The following NCBP3 variants were observed in gnomAD, a reference collection of about 807,000 sequenced individuals.
NCBP3 encodes the protein nuclear cap binding subunit 3.
Under a neutral mutation model 75.7 loss-of-function variants are expected in NCBP3, and 20 were observed. The ratio of observed to expected loss-of-function variants is 0.26; its 90% confidence interval spans 0.19 to 0.38. The LOEUF is 0.38. Among genes scored for constraint, NCBP3 ranks in the 10% least tolerant of loss-of-function variants. The pLI is 1.00. For synonymous variants in NCBP3, 293 were observed against 290.5 expected (o/e 1.01, Z -0.09); for missense variants, 678 against 796.9 (o/e 0.85, Z 1.80).
chr17:3,821,447 G>C (rs2053663647), intron 8 of NCBP3, 95 bp from the exon 9 acceptor site: 2 of 966,138 alleles, frequency 2.1e-6, no homozygotes, highest in African/African-American at 3.3e-5. Context: ...TTTTGTGATG[G>C]AGTCTCAATC....
At chr17:3,814,609 C>T in intron 11 of NCBP3, 126 bp from the exon 12 acceptor site, 2 of 904,058 alleles carry the variant, frequency 2.2e-6, no homozygotes, top group East Asian at 2.6e-5. Context: ...GACAATCAGG[C>T]TGCTAAGTAT....
rs977943629 is a variant in NCBP3, at chr17:3,806,484, A to G, written c.*6560T>C. 1 of 152,216 alleles carries G rather than the reference A, an allele frequency of 6.6e-6. No homozygotes were observed. Among genetic ancestry groups the G allele is most frequent in the African/African-American group, 2.4e-5 (1 of 41,452 alleles). 9.4% of individuals were successfully genotyped at this position (152,216 alleles called of 1,614,324 possible). A position where few individuals can be genotyped will look rare whatever the true frequency, so the allele number is the denominator to read the frequency against. On this transcript the variant is annotated 3_prime_UTR_variant, in exon 13 of 13. Coordinates refer to ENST00000389005, the MANE Select transcript of NCBP3 (RefSeq NM_001114118.3). The stretch of plus-strand genomic sequence containing the variant: ...AGATAACACAAAGTCTCAACTATTT[A>G]CGAACCTGGTCATCCAGAGAGGGCC...
chr17:3,815,567 G>A (rs370585198), intron 11 of NCBP3, among the ~76,000 whole-genome samples: 3 of 152,350 alleles, frequency 2.0e-5, no homozygotes, highest in Middle Eastern at 3.4e-3. Flanking sequence ...GTGTCATACA[G>A]AGGAAAATAT....
intron 6 of NCBP3, 69 bp from the exon 7 acceptor site, chr17:3,825,119 A>C (rs1356974223): frequency 1.6e-5 from 13 of 820,528 alleles, no homozygotes; most frequent in Non-Finnish European, 2.4e-5. Context: ...TAGTAAAGCT[A>C]CCATTAAGAA....
At chr17:3,840,026 A>T (rs545958570) in intron 3 of NCBP3, 74 bp downstream of exon 3, 1 of 1,180,754 alleles carries the variant, frequency 8.5e-7, no homozygotes, top group South Asian at 1.3e-5. Flanking sequence ...GCAAGGCCAG[A>T]AGCATGAGGT....
chr17:3,816,336 C>T (rs1460248099), intron 10 of NCBP3, 66 bp from the exon 11 acceptor site: 1 of 1,386,836 alleles, frequency 7.2e-7, no homozygotes, highest in African/African-American at 1.5e-5. Context: ...ACCCAAACAA[C>T]AATCTCATAC....
chr17:3,822,100 G>C (rs745421899), intron 7 of NCBP3, 48 bp from the exon 8 acceptor site: 1 of 1,267,048 alleles, frequency 7.9e-7, no homozygotes, highest in Non-Finnish European at 1.1e-6. Flanking sequence ...TGAGTGTAAA[G>C]ACAATGTTGA....
chr17:3,839,957 A>G (rs981913109), intron 3 of NCBP3, 143 bp downstream of exon 3: 1 of 602,046 alleles, frequency 1.7e-6, no homozygotes, highest in Non-Finnish European at 2.9e-6. Flanking sequence ...GACCTCAGAA[A>G]TGGAGACTTC....
At chr17:3,816,981 C>A (rs1022772659) in intron 10 of NCBP3, among the ~76,000 whole-genome samples, 1 of 151,762 alleles carries the variant, frequency 6.6e-6, no homozygotes. Context: ...GAGCCGAGAT[C>A]GTGTTATCGC....
chr17:3,835,260 G>A (rs886675501), intron 3 of NCBP3, among the ~76,000 whole-genome samples: 4 of 152,212 alleles, frequency 2.6e-5, no homozygotes, highest in East Asian at 1.9e-4. Flanking sequence ...CTGTTCTGAT[G>A]GGCACAATTC....
rs1371163435 is a variant in NCBP3 at position 3,804,341 on chromosome 17, G to GT, written c.*8702dup. ...GTAGGCGGATCGCCTGAGTTCAGGA[G>GT]TTTGAGACCAGCCTGGGCAACATGG... On this transcript the variant is annotated 3_prime_UTR_variant, in exon 13 of 13. Transcript: ENST00000389005. 3 of 152,012 alleles carry GT rather than the reference G, an allele frequency of 2.0e-5. No homozygotes were observed. The highest frequency in any genetic ancestry group is 2.0e-4 in the Admixed American group (3 of 15,268). 9.4% of individuals were successfully genotyped at this position (152,012 alleles called of 1,614,324 possible).
In NCBP3 at chr17:3,821,365, C is replaced by A; in HGVS notation, c.897-13G>T. ...ATATCTTCGCTTCCTGCAAGAATGC[C>A]AAAATAAGCACACAATCAAAAACTG... On this transcript the variant is annotated splice_polypyrimidine_tract_variant and intron_variant, in intron 8 of 12. Transcript: ENST00000389005. The A allele has an allele frequency of 6.3e-7, 1 of 1,599,088 alleles. No homozygotes were observed.
chr17:3,813,229 T>C lies in NCBP3; in HGVS notation c.1678A>G (p.Thr560Ala). ...GSAPKTKEKNTKKVDHRAPGA... is the reference protein window; with the variant it reads ...GSAPKTKEKNAKKVDHRAPGA... ...GGCGCCCTGTGATCCACTTTCTTCGTATTCTTTTCTTTGGTCTTGGGTGCA... is the reference window on the plus strand; with the variant it reads ...GGCGCCCTGTGATCCACTTTCTTCGCATTCTTTTCTTTGGTCTTGGGTGCA... The change falls in exon 13 of 13, where the codon ACG (threonine) becomes GCG (alanine). Residue 560 changes from threonine to alanine, a missense_variant. Physicochemically the swap from Thr to Ala is moderately conservative, Grantham distance 58. Coordinates refer to ENST00000389005, the MANE Select transcript of NCBP3 (RefSeq NM_001114118.3). 6.2e-7 allele frequency: 1 copy of C among 1,614,246 alleles called. No individual in the cohort carries two copies. The highest frequency in any genetic ancestry group is 8.5e-7 in the Non-Finnish European group (1 of 1,180,036).
chr17:3,844,913 A>G (rs1014528905), intron 1 of NCBP3, among the ~76,000 whole-genome samples: 5 of 152,230 alleles, frequency 3.3e-5, no homozygotes, highest in Non-Finnish European at 1.5e-5. Context: ...CAGCCTGGGC[A>G]ACAAGAGCGA....
At chr17:3,845,005 A>G (rs1405875359) in intron 1 of NCBP3, among the ~76,000 whole-genome samples, 1 of 152,208 alleles carries the variant, frequency 6.6e-6, no homozygotes, top group Admixed American at 6.6e-5. Context: ...TCACAACTGC[A>G]GTAATATTTA....
intron 3 of NCBP3, among the ~76,000 whole-genome samples, chr17:3,831,341 A>T (rs1268221260): frequency 6.6e-6 from 1 of 151,980 alleles, no homozygotes; most frequent in Non-Finnish European, 1.5e-5. Flanking sequence ...TGGGAGGCAG[A>T]GGCAGGCAGA....
chr17:3,817,099 T>A (rs899719815), intron 10 of NCBP3, among the ~76,000 whole-genome samples: 2 of 151,720 alleles, frequency 1.3e-5, no homozygotes, highest in East Asian at 3.9e-4. Flanking sequence ...TCTTTTCCCC[T>A]CCCCACAAAC....
At chr17:3,815,639 C>T (rs7215182) in intron 11 of NCBP3, among the ~76,000 whole-genome samples, 87,120 of 151,958 alleles carry the variant, frequency 0.57, 25,071 homozygotes, top group East Asian at 0.65. Context: ...TGATCGAATA[C>T]ATGTGGAAAA....
At chr17:3,827,239 T>A (rs170151) in intron 4 of NCBP3, among the ~76,000 whole-genome samples, 21,027 of 152,274 alleles carry the variant, frequency 0.14, 2,471 homozygotes, top group African/African-American at 0.32. Context: ...TGTGTATATT[T>A]AAACTACTTG....
Sources: gnomAD v4.1 joint callset for allele counts (sites outside exome capture counted in the v4.1 genomes callset) on GRCh38, gnomAD v4.1.1 for gene constraint, MANE v1.5 for transcripts, NCBI Gene and HGNC (gene_info 2026-07-23, HGNC 2026-07-21) for gene names.